FXYD6: variants seen among roughly 807,000 people sequenced by gnomAD.
The protein encoded by FXYD6 is FXYD domain-containing ion transport regulator 6.
Under a neutral mutation model 16.7 loss-of-function variants are expected in FXYD6, and 7 were observed. The ratio of observed to expected loss-of-function variants is 0.42; its 90% confidence interval spans 0.24 to 0.79. The LOEUF (loss-of-function observed/expected upper bound fraction) is 0.79, where lower values mean the gene tolerates loss of function less well. Among genes scored for constraint, FXYD6 ranks in the 30% least tolerant of loss-of-function variants. The pLI is 0.28. For synonymous variants in FXYD6, 49 were observed against 43.0 expected (o/e 1.14, Z -0.54); for missense variants, 111 against 116.2 (o/e 0.95, Z 0.21).
chr11:117,871,908 G>T (rs1271659042), intron 1 of FXYD6, among the ~76,000 whole-genome samples: 1 of 152,196 alleles, frequency 6.6e-6, no homozygotes, highest in East Asian at 1.9e-4. Context: ...GCACATTCCA[G>T]CAACGGCTTG....
At chr11:117,857,169 G>A (rs1042649437) in intron 1 of FXYD6, among the ~76,000 whole-genome samples, 1 of 152,296 alleles carries the variant, frequency 6.6e-6, no homozygotes, top group Middle Eastern at 3.4e-3. Flanking sequence ...CAGGGAAGGT[G>A]AGGGATGGAA....
chr11:117,871,552 T>C lies in FXYD6; in HGVS notation c.-6+5040A>G, dbSNP rs563709569. Among the ~76,000 whole-genome samples, 5 of 152,274 alleles carry C rather than the reference T, an allele frequency of 3.3e-5. No individual in the cohort carries two copies. The East Asian group carries it at 7.7e-4, about 23-fold the overall frequency. On this transcript the variant is annotated intron_variant, in intron 1 of 7. Transcript: ENST00000526014. ...AGGACATTCACGGTATATGAGTATG[T>C]TTATTGGGAATTTTAATGCCTGTTT... is the stretch of plus-strand genomic sequence containing the variant.
At chr11:117,865,872 A>C (rs1378440979) in intron 1 of FXYD6, among the ~76,000 whole-genome samples, 1 of 151,968 alleles carries the variant, frequency 6.6e-6, no homozygotes, top group Non-Finnish European at 1.5e-5. Flanking sequence ...GGTTGCAGTG[A>C]GATCGTGCCA....
intron 1 of FXYD6, among the ~76,000 whole-genome samples, chr11:117,863,276 C>T (rs1417797771): frequency 2.6e-5 from 4 of 152,004 alleles, no homozygotes; most frequent in African/African-American, 9.7e-5. Flanking sequence ...CCAATTTATT[C>T]CTGGAATGCA....
chr11:117,850,123 C>G (rs1166668083), intron 1 of FXYD6, among the ~76,000 whole-genome samples: 1 of 152,006 alleles, frequency 6.6e-6, no homozygotes, highest in African/African-American at 2.4e-5. Flanking sequence ...CTCAGACCAC[C>G]CCACTTCCCT....
intron 5 of FXYD6, 23 bp from the exon 6 acceptor site, chr11:117,840,391 G>A: frequency 3.1e-6 from 5 of 1,614,122 alleles, no homozygotes; most frequent in Non-Finnish European, 4.2e-6. Context: ...GAGACACACA[G>A]CCCCATCAGA....
Position 117,870,814 on chromosome 11 carries a change from T to C in FXYD6, c.-6+5778A>G, listed in dbSNP as rs1365207284. 6.6e-6 allele frequency among the ~76,000 whole-genome samples: 1 copy of C among 152,094 alleles called. No homozygotes were observed. The highest frequency in any genetic ancestry group is 1.5e-5 in the Non-Finnish European group (1 of 68,020). ...GAGCCAAGGCCTACACCCCTTCCCA[T>C]GTAGGGCTGTCACCAGTGTATGCCC... On this transcript the variant is annotated intron_variant, in intron 1 of 7. Transcript: ENST00000526014. The surrounding 1 kb of genome is among the most constrained non-coding windows in gnomAD (Gnocchi z 4.2).
At chr11:117,869,619 A>T (rs1245193670) in intron 1 of FXYD6, among the ~76,000 whole-genome samples, 1 of 152,204 alleles carries the variant, frequency 6.6e-6, no homozygotes, top group Non-Finnish European at 1.5e-5. Context: ...CTTTATCTTT[A>T]ACATGAAAAC....
In FXYD6 at chr11:117,837,830, T is replaced by G. The variant is rs1383827045; in HGVS notation, c.*469A>C. 3.8e-6 allele frequency: 1 copy of G among 263,974 alleles called. No individual in the cohort carries two copies. The highest frequency in any genetic ancestry group is 7.4e-6 in the Non-Finnish European group (1 of 134,370). The allele number at this position is 263,974 out of a possible 1,614,324, so 16.4% of individuals were successfully genotyped here. On this transcript the variant is annotated 3_prime_UTR_variant, in exon 8 of 8. Coordinates refer to ENST00000526014, the MANE Select transcript of FXYD6 (RefSeq NM_022003.4). The surrounding 1 kb of genome is among the most constrained non-coding windows in gnomAD (Gnocchi z 4.4). ...AAGACCACTGCCCGTGCTCTTACCCTACGCATCCCTAAATCAGGGGAGGGG... is the reference window on the plus strand; with the variant it reads ...AAGACCACTGCCCGTGCTCTTACCCGACGCATCCCTAAATCAGGGGAGGGG...
At chr11:117,873,547 C>G (rs892823850) in intron 1 of FXYD6, among the ~76,000 whole-genome samples, 1 of 152,212 alleles carries the variant, frequency 6.6e-6, no homozygotes, top group African/African-American at 2.4e-5. Context: ...GGCTAGAACC[C>G]GGCCTTTCCA....
chr11:117,872,523 C>T lies in FXYD6; in HGVS notation c.-6+4069G>A, dbSNP rs577702300. Among the ~76,000 whole-genome samples, 1 of 152,316 alleles carries T rather than the reference C, an allele frequency of 6.6e-6. No homozygotes were observed. The highest frequency in any genetic ancestry group is 1.9e-4 in the East Asian group (1 of 5,176). ...AAAGGATGAACGAGGGAGTTTGAAACCTTAGCCTCTGGTCTCTCAGTGTGG... is the reference window on the plus strand; with the variant it reads ...AAAGGATGAACGAGGGAGTTTGAAATCTTAGCCTCTGGTCTCTCAGTGTGG... On this transcript the variant is annotated intron_variant, in intron 1 of 7. Transcript: ENST00000526014. The surrounding 1 kb of genome is among the most constrained non-coding windows in gnomAD (Gnocchi z 4.9).
intron 1 of FXYD6, among the ~76,000 whole-genome samples, chr11:117,861,796 C>T (rs981508256): frequency 6.6e-6 from 1 of 152,218 alleles, no homozygotes; most frequent in Admixed American, 6.5e-5. Context: ...CGTGTGGTCA[C>T]AGGACGTGGA....
rs766849189 is a variant in FXYD6 at position 117,839,835 on chromosome 11, A to G, written c.260-5T>C. 1.9e-6 allele frequency: 3 copies of G among 1,614,178 alleles called. No individual in the cohort carries two copies. The highest frequency in any genetic ancestry group is 2.2e-5 in the South Asian group (2 of 91,084). On this transcript the variant is annotated splice_region_variant and splice_polypyrimidine_tract_variant and intron_variant, in intron 6 of 7. Coordinates refer to ENST00000526014, the MANE Select transcript of FXYD6 (RefSeq NM_022003.4). ...CTGCTTTCTGGGGCTCTGTTGCTGG[A>G]AAGAAAACCAGAATGGATTATAGTG... is the stretch of plus-strand genomic sequence containing the variant.
At chr11:117,841,907 G>A (rs752937348) in intron 3 of FXYD6, 42 bp from the exon 4 acceptor site, 2 of 1,613,918 alleles carry the variant, frequency 1.2e-6, no homozygotes, top group Non-Finnish European at 1.7e-6. Context: ...GGGCCAGGGA[G>A]AGGGTGTCTG....
At chr11:117,855,205 C>T (rs1385535204) in intron 1 of FXYD6, among the ~76,000 whole-genome samples, 1 of 152,196 alleles carries the variant, frequency 6.6e-6, no homozygotes, top group East Asian at 1.9e-4. Context: ...CTAAAGAAAA[C>T]ATTTCTGATC....
intron 1 of FXYD6, among the ~76,000 whole-genome samples, chr11:117,869,688 GAA>G (rs757782050): frequency 6.9e-6 from 1 of 145,954 alleles, no homozygotes; most frequent in Non-Finnish European, 1.5e-5. Context: ...AGAAGAAGAA[GAA>G]GAGAGAGAGA....
Position 117,870,541 on chromosome 11 carries a change from C to T in FXYD6, c.-6+6051G>A, listed in dbSNP as rs1487457669. 6.6e-6 allele frequency among the ~76,000 whole-genome samples: 1 copy of T among 152,232 alleles called. No homozygotes were observed. The highest frequency in any genetic ancestry group is 1.5e-5 in the Non-Finnish European group (1 of 68,036). ...CCACAGCACCAGGCAGCCCCCTTTGCTCTCTCTGCCTACCTCTTTAGAAGG... is the reference window on the plus strand; with the variant it reads ...CCACAGCACCAGGCAGCCCCCTTTGTTCTCTCTGCCTACCTCTTTAGAAGG... On this transcript the variant is annotated intron_variant, in intron 1 of 7. Transcript: ENST00000526014. The surrounding 1 kb of genome is among the most constrained non-coding windows in gnomAD (Gnocchi z 4.2).
chr11:117,863,134 C>A (rs1272538125), intron 1 of FXYD6, among the ~76,000 whole-genome samples: 1 of 152,138 alleles, frequency 6.6e-6, no homozygotes, highest in African/African-American at 2.4e-5. Flanking sequence ...TTGCCCAAGG[C>A]CCAACAGCTA....
At chr11:117,863,817 C>A (rs2056959158) in intron 1 of FXYD6, among the ~76,000 whole-genome samples, 1 of 151,276 alleles carries the variant, frequency 6.6e-6, no homozygotes. Flanking sequence ...TATACATTAA[C>A]AATAAAAAAT....
Sources: gnomAD v4.1 joint callset for allele counts (sites outside exome capture counted in the v4.1 genomes callset) on GRCh38, gnomAD v4.1.1 for gene constraint, Gnocchi (gnomAD v3.1) non-coding constraint, MANE v1.5 for transcripts, NCBI Gene and HGNC (gene_info 2026-07-23, HGNC 2026-07-21) for gene names.